The following TMCC3 variants were observed in gnomAD, a reference collection of about 807,000 sequenced individuals.
TMCC3 encodes transmembrane and coiled-coil domain protein 3.
TMCC3 carries 28 observed loss-of-function variants against 40.2 expected under a neutral mutation model. That is an observed-to-expected ratio of 0.70 (90% confidence interval 0.52 to 0.95). TMCC3 has a LOEUF of 0.95. Among genes scored for constraint, TMCC3 ranks in the 40% least tolerant of loss-of-function variants. The pLI is 0.00. For synonymous variants in TMCC3, 255 were observed against 248.5 expected (o/e 1.03, Z -0.25); for missense variants, 554 against 615.2 (o/e 0.90, Z 1.05).
chr12:94,581,717 G>A lies in TMCC3; in HGVS notation c.900C>T (p.Thr300=). 6.2e-7 allele frequency: 1 copy of A among 1,614,150 alleles called. No homozygotes were observed. Among genetic ancestry groups the A allele is most frequent in the Non-Finnish European group, 8.5e-7 (1 of 1,180,022 alleles). ...CGATGTCCTCAGCCAGCTGAGCTTG[G>A]GTATCCTTGATCTCCCTCAGTTCCT... ...ILEELREIKD[T]QAQLAEDIEA... is the part of the protein sequence containing the mutation. The change falls in exon 2 of 4, where the codon ACC becomes ACT. Residue 300 remains threonine (T), a synonymous_variant. Transcript: ENST00000261226.
intron 1 of TMCC3, among the ~76,000 whole-genome samples, chr12:94,636,807 T>C (rs1171901887): frequency 6.6e-6 from 1 of 152,248 alleles, no homozygotes; most frequent in Non-Finnish European, 1.5e-5. Context: ...GCCTCAGGTC[T>C]ACAGTTGCAA....
intron 1 of TMCC3, among the ~76,000 whole-genome samples, chr12:94,585,993 G>A (rs2068636271): frequency 6.6e-6 from 1 of 152,156 alleles, no homozygotes; most frequent in Admixed American, 6.5e-5. Context: ...ATTCCAAGGA[G>A]TCTGCCCTGG....
At chr12:94,612,534 T>C (rs969855442) in intron 1 of TMCC3, among the ~76,000 whole-genome samples, 3 of 152,122 alleles carry the variant, frequency 2.0e-5, no homozygotes, top group African/African-American at 7.2e-5. Context: ...CTGGTCACGA[T>C]CTCTTGACCT....
intron 1 of TMCC3, among the ~76,000 whole-genome samples, chr12:94,648,494 G>A (rs1402515361): frequency 6.6e-6 from 1 of 152,056 alleles, no homozygotes. Context: ...CAAAGTGGTG[G>A]GATTACAGGC....
In TMCC3 at chr12:94,585,681, G is replaced by A. The variant is rs1007967939; in HGVS notation, c.79-3143C>T. 5.9e-5 allele frequency among the ~76,000 whole-genome samples: 6 copies of A among 100,880 alleles called. No individual in the cohort carries two copies. The South Asian group carries it at 1.4e-3, about 24-fold the overall frequency. The allele number at this position is 100,880 out of a possible 152,430, so 66.2% of individuals were successfully genotyped here. On this transcript the variant is annotated intron_variant, in intron 1 of 3. Transcript: ENST00000261226. ...AGCCTGAGTGACAGAGCGAGACACCGTCTCAAACAAACAAACAAACAAACA... is the reference window on the plus strand; with the variant it reads ...AGCCTGAGTGACAGAGCGAGACACCATCTCAAACAAACAAACAAACAAACA...
At chr12:94,637,361 C>G (rs1213504548) in intron 1 of TMCC3, among the ~76,000 whole-genome samples, 2 of 152,156 alleles carry the variant, frequency 1.3e-5, no homozygotes, top group African/African-American at 4.8e-5. Context: ...AAAAATATGA[C>G]CAACCTCATC....
At position 94,593,478 on chromosome 12, in the gene TMCC3, T is replaced by C. The variant is rs117762312; in HGVS notation, c.79-10940A>G. On this transcript the variant is annotated intron_variant, in intron 1 of 3. Coordinates refer to ENST00000261226, the MANE Select transcript of TMCC3 (RefSeq NM_020698.4). ...AGAAGAAGAAGAAGAAGAAGAAGAA[T>C]TCTATTTCCTGAGAGCTGGTAAAGT... 5.0e-4 allele frequency among the ~76,000 whole-genome samples: 74 copies of C among 147,112 alleles called. 1 individual carries two copies. The East Asian group carries it at 0.015, about 29-fold the overall frequency.
chr12:94,643,876 A>G lies in TMCC3; in HGVS notation c.78+6477T>C, dbSNP rs2069004124. Among the ~76,000 whole-genome samples, 2 of 152,222 alleles carry G rather than the reference A, an allele frequency of 1.3e-5. 1 individual carries two copies. The highest frequency in any genetic ancestry group is 4.1e-4 in the South Asian group (2 of 4,826). Reference sequence around the variant, plus strand: ...CACAGGTTCAAACCCTAGCTCTACCATAGTTTCCTAATAGCCACAAGATCT... The same window carrying G: ...CACAGGTTCAAACCCTAGCTCTACCGTAGTTTCCTAATAGCCACAAGATCT... On this transcript the variant is annotated intron_variant, in intron 1 of 3. Transcript: ENST00000261226.
Position 94,583,186 on chromosome 12 carries a change from T to TA in TMCC3, c.79-649dup, listed in dbSNP as rs1303770227. Among the ~76,000 whole-genome samples the TA allele has an allele frequency of 7.9e-3, 991 of 125,922 alleles. 7 individuals are homozygous for TA. Among genetic ancestry groups the TA allele is most frequent in the African/African-American group, 0.024 (841 of 34,860 alleles). 82.6% of individuals were successfully genotyped at this position (125,922 alleles called of 152,430 possible). On this transcript the variant is annotated intron_variant, in intron 1 of 3. Coordinates refer to ENST00000261226, the MANE Select transcript of TMCC3 (RefSeq NM_020698.4). ...ACCTCAAACCACACCACAGTGATAT[T>TA]AAAAAAAAAAAAGGCCGGGGGGTGG...
At chr12:94,626,899 C>T (rs1442511851) in intron 1 of TMCC3, among the ~76,000 whole-genome samples, 1 of 152,108 alleles carries the variant, frequency 6.6e-6, no homozygotes, top group Non-Finnish European at 1.5e-5. Flanking sequence ...CTTGTTCTGT[C>T]GCCTAAGCTG....
chr12:94,581,881 C>T lies in TMCC3; in HGVS notation c.736G>A (p.Val246Met), dbSNP rs780132208. The change falls in exon 2 of 4, where the codon GTG becomes ATG. Residue 246 changes from valine to methionine, a missense_variant. Coordinates refer to ENST00000261226, the MANE Select transcript of TMCC3 (RefSeq NM_020698.4). ...ARAYGGSATI[V>M]NKPKYGSDDE... is the part of the protein sequence containing the mutation. ...TCACTGCCATACTTGGGTTTGTTCA[C>T]GATGGTAGCGCTGCCCCCGTAGGCC... The T allele has an allele frequency of 3.1e-6, 5 of 1,614,242 alleles. No homozygotes were observed. The highest frequency in any genetic ancestry group is 1.7e-5 in the Admixed American group (1 of 60,034).
chr12:94,620,594 A>AT (rs946763576), intron 1 of TMCC3, among the ~76,000 whole-genome samples: 181 of 147,026 alleles, frequency 1.2e-3, no homozygotes, highest in East Asian at 7.9e-4. Flanking sequence ...GGCCTGTGGA[A>AT]TTTTTTTTTT....
chr12:94,624,246 A>C (rs10859740), intron 1 of TMCC3, among the ~76,000 whole-genome samples: 53,876 of 152,032 alleles, frequency 0.35, 10,212 homozygotes, highest in Admixed American at 0.47. Context: ...GGTTAAACAG[A>C]ATTACCATAT....
intron 2 of TMCC3, among the ~76,000 whole-genome samples, chr12:94,581,069 A>AC (rs1441503593): frequency 6.6e-6 from 1 of 152,188 alleles, no homozygotes; most frequent in East Asian, 1.9e-4. Context: ...AATGCTTGGG[A>AC]CCAGAAGTGT....
chr12:94,576,971 A>G (rs1296522), intron 3 of TMCC3, among the ~76,000 whole-genome samples: 63,157 of 151,792 alleles, frequency 0.42, 13,530 homozygotes, highest in Middle Eastern at 0.45. Context: ...CTTCCTTAAG[A>G]ATGACTTGCA....
At chr12:94,637,854 A>G (rs971662950) in intron 1 of TMCC3, among the ~76,000 whole-genome samples, 1 of 152,250 alleles carries the variant, frequency 6.6e-6, no homozygotes, top group Non-Finnish European at 1.5e-5. Flanking sequence ...CAAGTCCCAC[A>G]GTACAATTTC....
chr12:94,644,397 A>T, intron 1 of TMCC3: 1 of 985,430 alleles, frequency 1.0e-6, no homozygotes, highest in Non-Finnish European at 1.2e-6. Flanking sequence ...TTCTGACCTT[A>T]GCAGCAGTCC....
chr12:94,628,376 T>G (rs1018252129), intron 1 of TMCC3, among the ~76,000 whole-genome samples: 1 of 152,182 alleles, frequency 6.6e-6, no homozygotes, highest in African/African-American at 2.4e-5. Flanking sequence ...TTTTCCCTGG[T>G]GAAGCTCCAC....
intron 1 of TMCC3, among the ~76,000 whole-genome samples, chr12:94,620,713 C>T (rs1473786901): frequency 2.0e-5 from 3 of 152,026 alleles, no homozygotes; most frequent in Non-Finnish European, 4.4e-5. Flanking sequence ...TTGCTAAACA[C>T]GAACTAGAAA....
Sources: gnomAD v4.1 joint callset for allele counts (sites outside exome capture counted in the v4.1 genomes callset) on GRCh38, gnomAD v4.1.1 for gene constraint, MANE v1.5 for transcripts, NCBI Gene and HGNC (gene_info 2026-07-23, HGNC 2026-07-21) for gene names.